LAMB4: variants seen among roughly 807,000 people sequenced by gnomAD.
LAMB4 encodes the protein laminin subunit beta 4, also known as laminin subunit beta-4.
LAMB4 carries 196 observed loss-of-function variants against 199.2 expected under a neutral mutation model. The observed-to-expected ratio is 0.98, with a 90% CI of 0.88 to 1.11. The LOEUF (loss-of-function observed/expected upper bound fraction) is 1.11. LAMB4 is among the 50% of genes least tolerant of loss of function. The pLI, the probability that LAMB4 is intolerant of heterozygous loss-of-function variation, is 0.00. For missense variants in LAMB4, 2,080 were observed against 2,171.2 expected, an observed-to-expected ratio of 0.96 and a Z score of 0.83; for synonymous variants, 744 against 770.6, an observed-to-expected ratio of 0.97 and a Z score of 0.57.
rs3735595 is a variant in LAMB4 at position 108,109,361 on chromosome 7, G to A, written c.329-117C>T. On this transcript the variant is annotated intron_variant, in intron 4 of 33. Coordinates refer to ENST00000388781, the MANE Select transcript of LAMB4 (RefSeq NM_007356.3). ...ATCTCTTTGATGCCACAAGGCTGACGATCACTCTTCCCAGTCTGTTGGAGT... is the reference window on the plus strand; with the variant it reads ...ATCTCTTTGATGCCACAAGGCTGACAATCACTCTTCCCAGTCTGTTGGAGT... 7.8e-4 allele frequency: 581 copies of A among 745,468 alleles called. 7 individuals carry two copies. The East Asian group carries it at 0.013, about 17-fold the overall frequency. 46.2% of individuals were successfully genotyped at this position (745,468 alleles called of 1,614,324 possible). A position where few individuals can be genotyped will look rare whatever the true frequency, so the allele number is the denominator to read the frequency against.
intron 29 of LAMB4, among the ~76,000 whole-genome samples, chr7:108,038,439 C>T (rs1315067785): frequency 2.0e-5 from 3 of 152,228 alleles, no homozygotes; most frequent in African/African-American, 7.2e-5. Flanking sequence ...GGGATACAGG[C>T]ATGAGCCACT....
chr7:108,043,190 C>T (rs953662153), intron 29 of LAMB4, among the ~76,000 whole-genome samples: 6 of 151,930 alleles, frequency 3.9e-5, no homozygotes, highest in African/African-American at 1.5e-4. Context: ...TAGATGCCAA[C>T]TCCCTATGAT....
intron 3 of LAMB4, among the ~76,000 whole-genome samples, chr7:108,112,873 C>A (rs561369051): frequency 2.0e-5 from 3 of 152,184 alleles, no homozygotes; most frequent in Non-Finnish European, 4.4e-5. Flanking sequence ...ACTCAGTGCA[C>A]GTTGCTTGTA....
Position 108,103,183 on chromosome 7 carries a change from C to T in LAMB4, c.1041G>A (p.Thr347=), listed in dbSNP as rs140529112. ...HSSRCHFDMT[T]YLASGGLSGG... ...CGCTGAGGCCACCGCTTGCCAGGTA[C>T]GTAGTCATGTCAAAGTGACAGCGGC... Residue 347 remains threonine (T), a synonymous_variant, in exon 10 of 34, where the codon ACG becomes ACA. Coordinates refer to ENST00000388781, the MANE Select transcript of LAMB4 (RefSeq NM_007356.3). The T allele has an allele frequency of 1.9e-6, 3 of 1,596,862 alleles. No individual in the cohort carries two copies. The highest frequency in any genetic ancestry group is 2.6e-6 in the Non-Finnish European group (3 of 1,171,332).
intron 17 of LAMB4, among the ~76,000 whole-genome samples, chr7:108,076,290 C>T (rs2036699948): frequency 6.6e-6 from 1 of 152,110 alleles, no homozygotes; most frequent in African/African-American, 2.4e-5. Flanking sequence ...TGAAGGGCTG[C>T]ACAGAGTAAG....
chr7:108,013,503 C>T, the LAMB4 span, among the ~76,000 whole-genome samples: 5 of 152,242 alleles, frequency 3.3e-5, no homozygotes, highest in Non-Finnish European at 7.4e-5. Flanking sequence ...AGTGACTGCT[C>T]TCTACTGTAA....
chr7:108,071,602 A>G (rs1167839716), intron 17 of LAMB4, among the ~76,000 whole-genome samples: 1 of 152,214 alleles, frequency 6.6e-6, no homozygotes, highest in Non-Finnish European at 1.5e-5. Context: ...GAGAAAACTG[A>G]AGGAGGTCAT....
intron 10 of LAMB4, among the ~76,000 whole-genome samples, chr7:108,099,489 C>T (rs995502058): frequency 2.0e-5 from 3 of 152,268 alleles, no homozygotes; most frequent in African/African-American, 4.8e-5. Flanking sequence ...AATACTGCAG[C>T]GAACCCCTCA....
intron 3 of LAMB4, among the ~76,000 whole-genome samples, chr7:108,113,776 A>G (rs1044098977): frequency 6.6e-6 from 1 of 152,212 alleles, no homozygotes; most frequent in African/African-American, 2.4e-5. Context: ...GGATAATTTA[A>G]TAGGTCAATG....
At chr7:108,120,288 AC>A (rs1554451820) in intron 2 of LAMB4, among the ~76,000 whole-genome samples, 4 of 152,248 alleles carry the variant, frequency 2.6e-5, no homozygotes, top group South Asian at 2.1e-4. Context: ...ATTGAAAAAA[AC>A]GTGTTATTTC....
intron 21 of LAMB4, among the ~76,000 whole-genome samples, chr7:108,065,528 A>T (rs2036305620): frequency 6.6e-6 from 1 of 152,190 alleles, no homozygotes; most frequent in South Asian, 2.1e-4. Context: ...TTAGTTTTCT[A>T]GAACATTATT....
chr7:108,048,443 G>A (rs2035718530), intron 27 of LAMB4, among the ~76,000 whole-genome samples: 1 of 152,084 alleles, frequency 6.6e-6, no homozygotes, highest in Non-Finnish European at 1.5e-5. Context: ...TGAGATTACA[G>A]GCATGTGGCC....
chr7:108,104,752 C>A, intron 8 of LAMB4, 133 bp from the exon 9 acceptor site: 1 of 949,144 alleles, frequency 1.1e-6, no homozygotes, highest in Non-Finnish European at 1.5e-6. Context: ...AATTACAATA[C>A]CAACCTTGAT....
At chr7:108,059,097 C>CT (rs57814646) in intron 23 of LAMB4, among the ~76,000 whole-genome samples, 3,720 of 107,826 alleles carry the variant, frequency 0.035, 527 homozygotes, top group East Asian at 0.044. Flanking sequence ...CAATCTGCCA[C>CT]TTTTTTTTTT....
At chr7:108,129,402 AG>A (rs767773880) in intron 1 of LAMB4, among the ~76,000 whole-genome samples, 1 of 152,222 alleles carries the variant, frequency 6.6e-6, no homozygotes, top group Non-Finnish European at 1.5e-5. Flanking sequence ...ATAAAGTGAC[AG>A]TTCTCAGAAA....
In LAMB4 at chr7:108,043,780, GA is replaced by G. The variant is rs1297508133; in HGVS notation, c.4442del (p.Phe1481SerfsTer5). The G allele has an allele frequency of 9.4e-6, 15 of 1,591,208 alleles. No homozygotes were observed. Among genetic ancestry groups the G allele is most frequent in the Non-Finnish European group, 1.1e-5 (13 of 1,166,122 alleles). On this transcript the variant is annotated frameshift_variant, in exon 29 of 34. Coordinates refer to ENST00000388781, the MANE Select transcript of LAMB4 (RefSeq NM_007356.3). LOFTEE classifies it high-confidence loss of function. Reference protein sequence around the residue: ...SDSEEENINLFIKKVKNFLLE... With the variant: ...SDSEEENINLXIKKVKNFLLE... The stretch of plus-strand genomic sequence containing the variant: ...ACAAAAAGTTTTTCACTTTTTTGAT[GA>G]AAAGATTGATGTTTTCTTCTTCAGA...
chr7:108,107,538 A>G, intron 6 of LAMB4, 93 bp downstream of exon 6: 3 of 957,976 alleles, frequency 3.1e-6, no homozygotes, highest in Non-Finnish European at 4.7e-6. Context: ...AACTTACATT[A>G]CAGTAAACAC....
rs772090280 is a variant in LAMB4, at chr7:108,062,909, T to C, written c.3147A>G (p.Ala1049=). The C allele has an allele frequency of 3.1e-6, 5 of 1,608,936 alleles. No individual in the cohort carries two copies. The highest frequency in any genetic ancestry group is 3.3e-4 in the Middle Eastern group (2 of 6,054). ...CTGTGACATTCGGCAGACAAGGACA[T>C]GCACCAGTGACAGGGTCACAGAGGC... ...GACLCDPVTG[A]CPCLPNVTGL... Residue 1049 remains alanine (A), a synonymous_variant, in exon 23 of 34, where the codon GCA becomes GCG. Coordinates refer to ENST00000388781, the MANE Select transcript of LAMB4 (RefSeq NM_007356.3).
At position 108,069,793 on chromosome 7, in the gene LAMB4, G is replaced by A; in HGVS notation, c.2217C>T (p.Ala739=). 2 of 1,614,036 alleles carry A rather than the reference G, an allele frequency of 1.2e-6. No individual in the cohort carries two copies. The highest frequency in any genetic ancestry group is 1.1e-5 in the South Asian group (1 of 91,072). Reference sequence around the variant, plus strand: ...GGAGCACTTGAGGTCCCATTGCTGAGGCAATTTCAACACAGTTGTGAAGCT... The same window carrying A: ...GGAGCACTTGAGGTCCCATTGCTGAAGCAATTTCAACACAGTTGTGAAGCT... The part of the protein sequence containing the change: ...EYQLHNCVEI[A]SAMGPQVLPG... The change falls in exon 18 of 34, where the codon GCC becomes GCT. Residue 739 remains alanine, a synonymous_variant. Coordinates refer to ENST00000388781, the MANE Select transcript of LAMB4 (RefSeq NM_007356.3).
Sources: allele counts gnomAD v4.1 joint callset (sites outside exome capture counted in the v4.1 genomes callset), GRCh38; gene constraint gnomAD v4.1.1; transcripts MANE v1.5; gene names NCBI Gene and HGNC (gene_info 2026-07-23, HGNC 2026-07-21).